NTRK1: variants seen among roughly 807,000 people sequenced by gnomAD.
The protein encoded by NTRK1 is high affinity nerve growth factor receptor.
NTRK1 carries 62 observed loss-of-function variants against 86.8 expected under a neutral mutation model. The observed-to-expected ratio is 0.71, with a 90% confidence interval of 0.58 to 0.88. The LOEUF (loss-of-function observed/expected upper bound fraction) is 0.88. Ranked by LOEUF, NTRK1 falls within the 40% of genes least tolerant of loss-of-function variation. The pLI, the probability that NTRK1 is intolerant of heterozygous loss-of-function variation, is 0.00. For missense variants in NTRK1, 967 were observed against 1,078.4 expected (o/e 0.90, Z 1.45); for synonymous variants, 469 against 456.6 (o/e 1.03, Z -0.35).
In NTRK1 at chr1:156,845,432, G is replaced by A. The variant is rs772363428; in HGVS notation, c.50+3239G>A. On this transcript the variant is annotated intron_variant, in intron 2 of 16. Coordinates refer to the NTRK1 transcript ENST00000392302. ...AGGGGATCTGGGGAGGCCAGGAGTA[G>A]CCCTATCAGGCCTGTCCGGATGCAC... The A allele has an allele frequency of 3.9e-6, 6 of 1,533,322 alleles. No individual in the cohort carries two copies. In the African/African-American group the frequency reaches 8.3e-5, roughly 21 times the overall value. The allele number at this position is 1,533,322 out of a possible 1,614,324, so 95.0% of individuals were successfully genotyped here.
chr1:156,843,088 C>G, intron 2 of NTRK1: 1 of 1,614,140 alleles, frequency 6.2e-7, no homozygotes, highest in Non-Finnish European at 8.5e-7. Context: ...GCTCATTCAC[C>G]GTCTTCAGGG....
intron 2 of NTRK1, chr1:156,851,649 C>T (rs1299691974): frequency 1.9e-6 from 3 of 1,614,152 alleles, no homozygotes; most frequent in South Asian, 1.1e-5. Flanking sequence ...TACTGACAGC[C>T]CTGGCGAAGG....
upstream of NTRK1, among the ~76,000 whole-genome samples, chr1:156,859,464 T>C (rs1414703368): frequency 1.3e-5 from 2 of 152,090 alleles, no homozygotes; most frequent in Non-Finnish European, 2.9e-5. This position sits in a 1 kb window ranked among gnomAD's most constrained non-coding sequence, Gnocchi z 6.2. Context: ...TCCCGGTGCC[T>C]TGACATCTGC....
chr1:156,844,164 C>G (rs1654899942), intron 2 of NTRK1: 1 of 1,603,418 alleles, frequency 6.2e-7, no homozygotes, highest in Non-Finnish European at 8.5e-7. Context: ...ACCGGTGGGA[C>G]TTATCATCAC....
intron 2 of NTRK1, among the ~76,000 whole-genome samples, chr1:156,850,444 G>C (rs908017939): frequency 6.8e-6 from 1 of 147,754 alleles, no homozygotes; most frequent in Non-Finnish European, 1.5e-5. Flanking sequence ...ACTCCTGACC[G>C]CATGGTGATC....
chr1:156,832,978 C>T (rs1444511135), intron 1 of NTRK1, among the ~76,000 whole-genome samples: 1 of 152,198 alleles, frequency 6.6e-6, no homozygotes, highest in East Asian at 1.9e-4. Context: ...TTCAGCACAT[C>T]GCTTCTTGCT....
upstream of NTRK1, chr1:156,860,694 C>T (rs41469353): frequency 5.6e-3 from 3,589 of 635,596 alleles, 91 homozygotes; most frequent in African/African-American, 0.063. Flanking sequence ...GGCGGATCCT[C>T]GGGGAGAAGG....
chr1:156,852,060 C>T (rs1185128649), intron 2 of NTRK1: 2 of 1,613,458 alleles, frequency 1.2e-6, no homozygotes, highest in Non-Finnish European at 8.5e-7. Context: ...CACAGGCAGG[C>T]ACCCTGGAAG....
intron 1 of NTRK1, chr1:156,816,647 C>A: frequency 6.3e-7 from 1 of 1,596,566 alleles, no homozygotes; most frequent in Non-Finnish European, 8.5e-7. Flanking sequence ...TGCCCCCTCC[C>A]ACCCATATCC....
intron 2 of NTRK1, 86 bp from the exon 3 acceptor site, chr1:156,864,642 G>A (rs1655839368): frequency 6.9e-7 from 1 of 1,445,306 alleles, no homozygotes; most frequent in South Asian, 1.2e-5. Flanking sequence ...TCAGCACAGG[G>A]GACTGGGAGG....
chr1:156,821,427 C>A (rs1354666670), intron 1 of NTRK1, among the ~76,000 whole-genome samples: 1 of 151,406 alleles, frequency 6.6e-6, no homozygotes, highest in African/African-American at 2.4e-5. Context: ...CTACGGGAAC[C>A]CCCCTCAGAG....
chr1:156,851,091 A>G lies in NTRK1; in HGVS notation c.50+8898A>G, dbSNP rs535046779. On this transcript the variant is annotated intron_variant, in intron 2 of 16. Coordinates refer to the NTRK1 transcript ENST00000392302. ...TAACAACTTGAGTAATATTCAAAACAGTCCTGAGAAGTAAGTAATGTTATA... is the reference window on the plus strand; with the variant it reads ...TAACAACTTGAGTAATATTCAAAACGGTCCTGAGAAGTAAGTAATGTTATA... 2.7e-4 allele frequency: 182 copies of G among 671,352 alleles called. 1 individual carries two copies. Among genetic ancestry groups the G allele is most frequent in the South Asian group, 8.3e-4 (49 of 58,798 alleles). 41.6% of individuals were successfully genotyped at this position (671,352 alleles called of 1,614,324 possible). A position where few individuals can be genotyped will look rare whatever the true frequency, so the allele number is the denominator to read the frequency against.
chr1:156,827,093 A>AT (rs1176619990), intron 1 of NTRK1, among the ~76,000 whole-genome samples: 4 of 151,354 alleles, frequency 2.6e-5, no homozygotes, highest in African/African-American at 7.3e-5. Context: ...TTATTTCTTT[A>AT]TTTTTTTGAG....
In NTRK1 at chr1:156,854,165, C is replaced by G. The variant is rs139920561; in HGVS notation, c.51-10189C>G. On this transcript the variant is annotated intron_variant, in intron 2 of 16. Coordinates refer to the NTRK1 transcript ENST00000392302. The surrounding 1 kb of genome is among the most constrained non-coding windows in gnomAD (Gnocchi z 4.2). ...CAGGTAGTCGGTGACCTGGGTGAGG[C>G]GAGGGAAGCTGAGGCCGCGGAAGTC... The G allele has an allele frequency of 5.0e-6, 8 of 1,614,106 alleles. No homozygotes were observed. Among genetic ancestry groups the G allele is most frequent in the Non-Finnish European group, 6.8e-6 (8 of 1,180,024 alleles).
intron 2 of NTRK1, chr1:156,846,251 C>T (rs1332341840): frequency 2.0e-6 from 2 of 993,570 alleles, no homozygotes; most frequent in African/African-American, 3.3e-5. Flanking sequence ...CCCCTGGCTT[C>T]CTAGAACTCA....
intron 11 of NTRK1, 99 bp downstream of exon 11, chr1:156,875,107 G>T (rs1647820776): frequency 1.1e-6 from 1 of 880,694 alleles, no homozygotes; most frequent in Non-Finnish European, 1.9e-6. Flanking sequence ...TGTGCACATG[G>T]GAGTTCCAGG....
intron 3 of NTRK1, chr1:156,865,169 C>T (rs1056390853): frequency 3.5e-5 from 11 of 314,432 alleles, no homozygotes; most frequent in East Asian, 7.4e-5. Context: ...TTGACTTGGC[C>T]CCTAGGACAT....
Position 156,864,414 on chromosome 1 carries a change from G to C in NTRK1, c.273G>C (p.Gly91=), listed in dbSNP as rs918392521. ...HLELRDLRGL[G]ELRNLTIVKS... is the part of the protein sequence containing the mutation. ...AGCTCCGTGATCTGAGGGGCCTGGG[G>C]GAGCTGAGAAACCTGTGAGGGAAAC... The change falls in exon 2 of 17, where the codon GGG becomes GGC. Residue 91 remains glycine (G), a synonymous_variant. Coordinates refer to ENST00000524377, the MANE Select transcript of NTRK1 (RefSeq NM_002529.4). The C allele has an allele frequency of 6.2e-7, 1 of 1,614,064 alleles. No individual in the cohort carries two copies. Among genetic ancestry groups the C allele is most frequent in the Admixed American group, 1.7e-5 (1 of 59,996 alleles).
intron 1 of NTRK1, among the ~76,000 whole-genome samples, chr1:156,828,166 T>C (rs1654373197): frequency 6.6e-6 from 1 of 152,182 alleles, no homozygotes; most frequent in African/African-American, 2.4e-5. Context: ...TGTAATATTA[T>C]TACTGATATT....
Sources: gnomAD v4.1 joint callset for allele counts (sites outside exome capture counted in the v4.1 genomes callset) on GRCh38, gnomAD v4.1.1 for gene constraint, Gnocchi (gnomAD v3.1) non-coding constraint, MANE v1.5 for transcripts, NCBI Gene and HGNC (gene_info 2026-07-23, HGNC 2026-07-21) for gene names.